The following ANOS1 variants were observed in gnomAD, a reference collection of about 807,000 sequenced individuals.
The protein encoded by ANOS1 is anosmin-1.
Under a neutral mutation model 59.0 loss-of-function variants are expected in ANOS1, and 6 were observed. The ratio of observed to expected loss-of-function variants is 0.10; its 90% confidence interval spans 0.06 to 0.20. The LOEUF (loss-of-function observed/expected upper bound fraction) is 0.20, where lower values mean the gene tolerates loss of function less well. Ranked by LOEUF, ANOS1 falls within the 10% of genes least tolerant of loss-of-function variation. The pLI is 1.00. For synonymous variants in ANOS1, 217 were observed against 223.4 expected (o/e 0.97, Z 0.25); for missense variants, 433 against 542.3 (o/e 0.80, Z 2.00).
intron 3 of ANOS1, among the ~76,000 whole-genome samples, chrX:8,610,040 A>AAAAAAAAAAAAAAC (rs1569062444): frequency 2.2e-5 from 1 of 45,998 alleles, no homozygotes; most frequent in African/African-American, 8.5e-5. Context: ...AAAAAACAAC[A>AAAAAAAAAAAAAAC]ACCTTTAAAG....
chrX:8,544,785 G>A (rs1435734962), intron 9 of ANOS1, among the ~76,000 whole-genome samples: 1 of 109,924 alleles, frequency 9.1e-6, no homozygotes, highest in Admixed American at 9.7e-5. Context: ...TTAGCTGGGC[G>A]GCCAGGCACT....
intron 2 of ANOS1, among the ~76,000 whole-genome samples, chrX:8,688,538 T>C (rs1186815083): frequency 8.9e-6 from 1 of 112,594 alleles, no homozygotes; most frequent in Non-Finnish European, 1.9e-5. Context: ...GTTTGCATTT[T>C]CTTTCATCAG....
rs184280627 is a variant in ANOS1 at position 8,556,236 on chromosome X, G to C, written c.1208-2138C>G. ...CCACAGCCAATATCATACTGAATGG[G>C]GAAAAGCCAGAAGCATTCCCTTTGA... is the stretch of plus-strand genomic sequence containing the variant. On this transcript the variant is annotated intron_variant, in intron 8 of 13. Coordinates refer to ENST00000262648, the MANE Select transcript of ANOS1 (RefSeq NM_000216.4). Among the ~76,000 whole-genome samples the C allele has an allele frequency of 2.3e-4, 26 of 111,906 alleles. No homozygotes were observed. In the East Asian group the frequency reaches 7.3e-3, roughly 32 times the overall value.
intron 2 of ANOS1, among the ~76,000 whole-genome samples, chrX:8,657,616 G>C (rs760458059): frequency 9.1e-6 from 1 of 109,632 alleles, no homozygotes; most frequent in Non-Finnish European, 1.9e-5. Context: ...TTACAGGCAC[G>C]TGCCACCACG....
chrX:8,585,042 C>T lies in ANOS1; in HGVS notation c.856+225G>A, dbSNP rs1228753984. Among the ~76,000 whole-genome samples, 3 of 112,049 alleles carry T rather than the reference C, an allele frequency of 2.7e-5. No homozygotes were observed. The South Asian group carries it at 1.1e-3, about 42-fold the overall frequency. On this transcript the variant is annotated intron_variant, in intron 6 of 13. Transcript: ENST00000262648. ...CCCGCCACTTCAAAGTTTAAAAAAA[C>T]TCCCTTATGTTATCTTCTATGATAT... is the stretch of plus-strand genomic sequence containing the variant.
chrX:8,581,999 ATTGAACAAGGAT>A (rs1930434077), intron 6 of ANOS1, among the ~76,000 whole-genome samples: 2 of 111,899 alleles, frequency 1.8e-5, no homozygotes, highest in South Asian at 7.4e-4. Context: ...TTCCTCATAT[ATTGAACAAGGAT>A]TTGTTGGGCA....
At chrX:8,648,507 G>A (rs1602002825) in intron 2 of ANOS1, among the ~76,000 whole-genome samples, 1 of 107,282 alleles carries the variant, frequency 9.3e-6, no homozygotes, top group Admixed American at 1.0e-4. Flanking sequence ...TTGTGTAACT[G>A]AGGAAACAAA....
intron 6 of ANOS1, among the ~76,000 whole-genome samples, chrX:8,572,369 C>T (rs1930247041): frequency 9.0e-6 from 1 of 110,618 alleles, no homozygotes; most frequent in Non-Finnish European, 1.9e-5. Context: ...CCACTTAGAA[C>T]TGAGAGCATG....
chrX:8,622,641 T>C (rs1160228860), intron 3 of ANOS1, among the ~76,000 whole-genome samples: 1 of 111,853 alleles, frequency 8.9e-6, no homozygotes, highest in Non-Finnish European at 1.9e-5. Flanking sequence ...TTTTGACTCA[T>C]TCTCTACTAT....
intron 9 of ANOS1, among the ~76,000 whole-genome samples, chrX:8,540,355 T>C (rs757119998): frequency 1.8e-5 from 2 of 111,537 alleles, no homozygotes; most frequent in East Asian, 5.6e-4. Flanking sequence ...CTTCCCACTC[T>C]CCCTTAACCA....
intron 2 of ANOS1, among the ~76,000 whole-genome samples, chrX:8,674,885 G>C (rs1258730321): frequency 9.0e-6 from 1 of 111,430 alleles, no homozygotes; most frequent in African/African-American, 3.3e-5. Flanking sequence ...GCTCCAAATG[G>C]ATTTTCTCAA....
chrX:8,646,932 C>CAAAAA (rs775821235), intron 2 of ANOS1, among the ~76,000 whole-genome samples: 1 of 51,865 alleles, frequency 1.9e-5, no homozygotes, highest in Non-Finnish European at 3.9e-5. Flanking sequence ...GAACCTGTCT[C>CAAAAA]AAAAAAAAAA....
intron 8 of ANOS1, among the ~76,000 whole-genome samples, chrX:8,564,545 C>T (rs761314963): frequency 2.7e-4 from 30 of 111,436 alleles, no homozygotes; most frequent in South Asian, 7.6e-4. Context: ...GGGATTATGA[C>T]GGATACTGTG....
At chrX:8,695,757 G>C (rs929920201) in intron 2 of ANOS1, among the ~76,000 whole-genome samples, 4 of 108,825 alleles carry the variant, frequency 3.7e-5, no homozygotes, top group Non-Finnish European at 5.7e-5. Flanking sequence ...AAATTGAGCA[G>C]GAGATCTTTC....
Position 8,529,278 on chromosome X carries a change from G to A in ANOS1, c.*3717C>T, listed in dbSNP as rs1436335996. 1 of 111,806 alleles carries A rather than the reference G, an allele frequency of 8.9e-6. No homozygotes were observed. Among genetic ancestry groups the A allele is most frequent in the African/African-American group, 3.3e-5 (1 of 30,763 alleles). The allele number at this position is 111,806 out of a possible 1,213,427, so 9.2% of individuals were successfully genotyped here. On this transcript the variant is annotated 3_prime_UTR_variant, in exon 14 of 14. Coordinates refer to ENST00000262648, the MANE Select transcript of ANOS1 (RefSeq NM_000216.4). ...AGTCATGAGAATCCTCTCCGTACCT[G>A]ACACCGAGTCTGACCATGCAAAATC...
In ANOS1 at chrX:8,731,858, C is replaced by T; in HGVS notation, c.179G>A (p.Arg60His). 1 of 1,193,844 alleles carries T rather than the reference C, an allele frequency of 8.4e-7. No homozygotes were observed. The part of the protein sequence containing the change: ...ASRCLSLQIT[R>H]ISAFFQHFQN... ...GAAGTGCTGGAAGAAGGCGGAGATG[C>T]GAGTGATCTGCAGGCTCAGGCACCT... is the stretch of plus-strand genomic sequence containing the variant. The change falls in exon 1 of 14, where the codon CGC becomes CAC. Residue 60 changes from arginine to histidine, a missense_variant. Transcript: ENST00000262648.
At chrX:8,693,733 A>ATTTTTTT (rs35989320) in intron 2 of ANOS1, among the ~76,000 whole-genome samples, 1 of 75,316 alleles carries the variant, frequency 1.3e-5, no homozygotes, top group African/African-American at 5.2e-5. Flanking sequence ...TATTGCATGA[A>ATTTTTTT]TTTTTTTTTT....
At chrX:8,593,761 A>T (rs1223844008) in intron 4 of ANOS1, among the ~76,000 whole-genome samples, 1 of 111,280 alleles carries the variant, frequency 9.0e-6, no homozygotes, top group Non-Finnish European at 1.9e-5. Context: ...GTAACCTCGA[A>T]TTCCTGTGCT....
At chrX:8,574,693 C>T (rs971252656) in intron 6 of ANOS1, among the ~76,000 whole-genome samples, 4 of 111,792 alleles carry the variant, frequency 3.6e-5, no homozygotes, top group South Asian at 3.8e-4. Flanking sequence ...GAACACAGAC[C>T]GAAGGGCTGC....
Sources: allele counts gnomAD v4.1 joint callset (sites outside exome capture counted in the v4.1 genomes callset), GRCh38; gene constraint gnomAD v4.1.1; transcripts MANE v1.5; gene names NCBI Gene and HGNC (gene_info 2026-07-23, HGNC 2026-07-21).